The following FAM13C variants were observed in gnomAD, a reference collection of about 807,000 sequenced individuals.
The protein encoded by FAM13C is protein FAM13C.
FAM13C carries 37 observed loss-of-function variants against 73.2 expected under a neutral mutation model. That is an observed-to-expected ratio of 0.51 (90% CI 0.39 to 0.67). FAM13C has a LOEUF of 0.67. FAM13C is among the 30% of genes least tolerant of loss of function. FAM13C has a pLI of 0.00. For missense variants in FAM13C, 589 were observed against 715.6 expected (o/e 0.82, Z 2.02); for synonymous variants, 246 against 260.9 (o/e 0.94, Z 0.55).
intron 8 of FAM13C, among the ~76,000 whole-genome samples, chr10:59,265,481 C>A (rs1035897940): frequency 6.6e-6 from 1 of 152,018 alleles, no homozygotes; most frequent in South Asian, 2.1e-4. Context: ...TCTGGTTACA[C>A]GGAAAGTCAA....
At chr10:59,344,905 G>A (rs1223896226) in intron 3 of FAM13C, among the ~76,000 whole-genome samples, 6 of 150,288 alleles carry the variant, frequency 4.0e-5, no homozygotes, top group African/African-American at 1.5e-4. Context: ...GGCACAACAG[G>A]TACCAATAGG....
Position 59,357,282 on chromosome 10 carries a change from T to C in FAM13C, c.63-1339A>G, listed in dbSNP as rs74150878. 3.4e-3 allele frequency among the ~76,000 whole-genome samples: 518 copies of C among 152,322 alleles called. 3 individuals carry two copies. Among genetic ancestry groups the C allele is most frequent in the African/African-American group, 0.011 (461 of 41,574 alleles). On this transcript the variant is annotated intron_variant, in intron 1 of 13. Transcript: ENST00000618804. ...CTACTTTAACCTTAATTCATAAACA[T>C]TTACTCTTCATTCTGAGGTTTTGGT...
chr10:59,297,353 T>G (rs550712337), intron 5 of FAM13C: 3 of 152,206 alleles, frequency 2.0e-5, no homozygotes, highest in Non-Finnish European at 4.4e-5. Flanking sequence ...AAATCATTTC[T>G]CTTTCCTACT....
intron 5 of FAM13C, among the ~76,000 whole-genome samples, chr10:59,292,863 C>T (rs1014554176): frequency 6.6e-6 from 1 of 152,076 alleles, no homozygotes; most frequent in Non-Finnish European, 1.5e-5. Context: ...ATCTTCTCTC[C>T]TAGCTATTTG....
At chr10:59,287,282 A>T (rs1260105245) in intron 5 of FAM13C, among the ~76,000 whole-genome samples, 8 of 123,540 alleles carry the variant, frequency 6.5e-5, no homozygotes, top group Non-Finnish European at 1.3e-4. Flanking sequence ...GGTTGCAGTG[A>T]GTGGAGATCA....
rs530801653 is a variant in FAM13C, at chr10:59,276,430, T to C, written c.593-6321A>G. On this transcript the variant is annotated intron_variant, in intron 6 of 13. Transcript: ENST00000618804. The stretch of plus-strand genomic sequence containing the variant: ...TTTATGGAGCATTTACCACAGGAGA[T>C]GAGCTAAGACCTTCATATATATGTT... Among the ~76,000 whole-genome samples the C allele has an allele frequency of 2.6e-5, 4 of 152,294 alleles. No homozygotes were observed. In the East Asian group the frequency reaches 7.7e-4, roughly 29 times the overall value.
At chr10:59,253,117 G>T in intron 11 of FAM13C, 119 bp from the exon 12 acceptor site, 1 of 936,168 alleles carries the variant, frequency 1.1e-6, no homozygotes, top group Non-Finnish European at 1.7e-6. Context: ...TGACCCATGT[G>T]CCTACTGAGA....
intron 4 of FAM13C, among the ~76,000 whole-genome samples, chr10:59,318,346 C>T (rs407441): frequency 0.48 from 73,412 of 151,648 alleles, 20,037 homozygotes; most frequent in African/African-American, 0.75. Flanking sequence ...ATCAGCAGTT[C>T]ACGGACTGGG....
At chr10:59,275,549 G>A (rs561698336) in intron 6 of FAM13C, among the ~76,000 whole-genome samples, 1 of 152,224 alleles carries the variant, frequency 6.6e-6, no homozygotes, top group Non-Finnish European at 1.5e-5. Flanking sequence ...AAACCTGTGT[G>A]CAGGGGAAAA....
intron 3 of FAM13C, among the ~76,000 whole-genome samples, chr10:59,335,406 A>G (rs891996963): frequency 8.5e-5 from 13 of 152,220 alleles, no homozygotes; most frequent in Non-Finnish European, 1.3e-4. Flanking sequence ...TTTGATACAT[A>G]GCAATTATCT....
intron 3 of FAM13C, among the ~76,000 whole-genome samples, chr10:59,347,329 G>A (rs1854434296): frequency 6.6e-6 from 1 of 151,942 alleles, no homozygotes; most frequent in Non-Finnish European, 1.5e-5. Context: ...CCCACCCATG[G>A]TTCATTCTTA....
chr10:59,322,601 C>T (rs1384295486), intron 4 of FAM13C, among the ~76,000 whole-genome samples: 1 of 152,198 alleles, frequency 6.6e-6, no homozygotes, highest in Non-Finnish European at 1.5e-5. Flanking sequence ...CCCTGTTGGT[C>T]TCTGTTAAAT....
chr10:59,275,252 T>C (rs543481578), intron 6 of FAM13C, among the ~76,000 whole-genome samples: 3 of 152,318 alleles, frequency 2.0e-5, no homozygotes, highest in African/African-American at 7.2e-5. Context: ...TAGTCAAGAA[T>C]GATTCATCTC....
At chr10:59,271,584 A>G (rs183590424) in intron 6 of FAM13C, among the ~76,000 whole-genome samples, 1 of 152,332 alleles carries the variant, frequency 6.6e-6, no homozygotes, top group Admixed American at 6.5e-5. Flanking sequence ...ACTGACACAC[A>G]TCACCACAGG....
chr10:59,328,008 A>T (rs139155196), intron 3 of FAM13C, among the ~76,000 whole-genome samples: 1 of 152,198 alleles, frequency 6.6e-6, no homozygotes, highest in Non-Finnish European at 1.5e-5. Flanking sequence ...CGTAGCCCAG[A>T]TGGGCACCTG....
chr10:59,290,435 G>A (rs1243050196), intron 5 of FAM13C, among the ~76,000 whole-genome samples: 1 of 152,194 alleles, frequency 6.6e-6, no homozygotes, highest in Non-Finnish European at 1.5e-5. Context: ...GTCTCCAAAT[G>A]TCTCCATTTC....
chr10:59,342,151 G>A (rs1853601515), intron 3 of FAM13C, among the ~76,000 whole-genome samples: 1 of 152,078 alleles, frequency 6.6e-6, no homozygotes, highest in African/African-American at 2.4e-5. Context: ...ATGGGAAGGT[G>A]GTGTGCAGAC....
Position 59,310,102 on chromosome 10 carries a change from A to C in FAM13C, c.444-7238T>G, listed in dbSNP as rs370895201. Among the ~76,000 whole-genome samples the C allele has an allele frequency of 3.7e-4, 56 of 152,364 alleles. 1 individual carries two copies. The highest frequency in any genetic ancestry group is 1.2e-3 in the African/African-American group (50 of 41,586). On this transcript the variant is annotated intron_variant, in intron 4 of 13. Transcript: ENST00000618804. ...CAGAAAGAGTAAAAAGAGAGCATCC[A>C]ACACACTTTTCAGAATACTTCACAT... is the stretch of plus-strand genomic sequence containing the variant.
At chr10:59,344,670 T>C (rs1854059442) in intron 3 of FAM13C, among the ~76,000 whole-genome samples, 1 of 152,118 alleles carries the variant, frequency 6.6e-6, no homozygotes, top group South Asian at 2.1e-4. Flanking sequence ...ATAGATACAA[T>C]TGCCATCTCC....
Sources: allele counts gnomAD v4.1 joint callset (sites outside exome capture counted in the v4.1 genomes callset), GRCh38; gene constraint gnomAD v4.1.1; transcripts MANE v1.5; gene names NCBI Gene and HGNC (gene_info 2026-07-23, HGNC 2026-07-21).